Variants in KIRREL1 observed in about 807,000 individuals in gnomAD.
KIRREL1 encodes the protein kirre like nephrin family adhesion molecule 1, also known as kin of IRRE-like protein 1.
Under a neutral mutation model 83.3 loss-of-function variants are expected in KIRREL1, and 25 were observed. The observed-to-expected ratio is 0.30, with a 90% CI of 0.22 to 0.42. The LOEUF (loss-of-function observed/expected upper bound fraction) is 0.42, where lower values mean the gene tolerates loss of function less well. Among genes scored for constraint, KIRREL1 ranks in the 10% least tolerant of loss-of-function variants. KIRREL1 has a pLI of 1.00. For missense variants in KIRREL1, 812 were observed against 1,032.3 expected (o/e 0.79, Z 2.92); for synonymous variants, 388 against 410.4 (o/e 0.95, Z 0.66).
intron 1 of KIRREL1, among the ~76,000 whole-genome samples, chr1:158,075,150 G>A (rs1260966565): frequency 6.6e-6 from 1 of 152,222 alleles, no homozygotes; most frequent in African/African-American, 2.4e-5. Flanking sequence ...CACTGGGGCC[G>A]ACCAGTGCTG....
chr1:158,023,208 G>T (rs1660053890), intron 1 of KIRREL1, among the ~76,000 whole-genome samples: 1 of 152,182 alleles, frequency 6.6e-6, no homozygotes, highest in African/African-American at 2.4e-5. Context: ...TGGCAGGAGA[G>T]AGCTGGCCCC....
At chr1:158,003,585 C>G (rs539334599) in intron 1 of KIRREL1, among the ~76,000 whole-genome samples, 1 of 152,294 alleles carries the variant, frequency 6.6e-6, no homozygotes, top group African/African-American at 2.4e-5. Context: ...CACACACACA[C>G]TCGTGGCTGG....
chr1:158,029,360 T>C (rs1660256209), intron 1 of KIRREL1, among the ~76,000 whole-genome samples: 1 of 149,658 alleles, frequency 6.7e-6, no homozygotes, highest in African/African-American at 2.5e-5. Flanking sequence ...TGTGTGTGTG[T>C]GTGTGTGCAC....
chr1:158,078,910 C>T (rs866544305), intron 3 of KIRREL1, among the ~76,000 whole-genome samples: 20 of 152,190 alleles, frequency 1.3e-4, no homozygotes, highest in African/African-American at 4.6e-4. Context: ...TCTCCTGCAG[C>T]AGTGCCACAG....
At chr1:158,087,552 C>A (rs1475674540) in intron 5 of KIRREL1, among the ~76,000 whole-genome samples, 1 of 152,060 alleles carries the variant, frequency 6.6e-6, no homozygotes, top group East Asian at 1.9e-4. Context: ...TTGGTGCCTT[C>A]ATTGGTGGTC....
intron 1 of KIRREL1, among the ~76,000 whole-genome samples, chr1:158,070,055 A>T (rs1049410137): frequency 3.3e-5 from 5 of 150,408 alleles, no homozygotes; most frequent in Admixed American, 3.3e-4. Flanking sequence ...CAAGTCTTCT[A>T]TGTTGGTGGC....
intron 4 of KIRREL1, among the ~76,000 whole-genome samples, chr1:158,086,239 A>C (rs779062834): frequency 6.6e-5 from 10 of 152,156 alleles, no homozygotes; most frequent in Non-Finnish European, 1.5e-4. Flanking sequence ...TGTAAACTTA[A>C]AACTGCTCCA....
At chr1:158,055,502 A>G (rs1006843160) in intron 1 of KIRREL1, among the ~76,000 whole-genome samples, 4 of 152,080 alleles carry the variant, frequency 2.6e-5, no homozygotes, top group African/African-American at 9.7e-5. Flanking sequence ...AGTTTCCCCA[A>G]CCTCATGGGC....
Position 158,091,347 on chromosome 1 carries a change from C to T in KIRREL1, c.1273-11C>T. On this transcript the variant is annotated splice_polypyrimidine_tract_variant and intron_variant, in intron 10 of 14. Coordinates refer to ENST00000359209, the MANE Select transcript of KIRREL1 (RefSeq NM_018240.7). ...CCCTTTCTTACCTTCTTCCTTCCCTCTCCACCACAGGCATGGGCCTGGAAG... is the reference window on the plus strand; with the variant it reads ...CCCTTTCTTACCTTCTTCCTTCCCTTTCCACCACAGGCATGGGCCTGGAAG... The T allele has an allele frequency of 2.5e-6, 4 of 1,611,732 alleles. No homozygotes were observed. Among genetic ancestry groups the T allele is most frequent in the Non-Finnish European group, 2.5e-6 (3 of 1,178,534 alleles).
intron 1 of KIRREL1, among the ~76,000 whole-genome samples, chr1:158,041,219 A>T (rs538163300): frequency 5.9e-4 from 90 of 152,230 alleles, no homozygotes; most frequent in African/African-American, 2.1e-3. Context: ...GGCCTTGGGG[A>T]GGGTCAGCTA....
intron 1 of KIRREL1, among the ~76,000 whole-genome samples, chr1:158,059,922 A>C (rs1345551783): frequency 6.6e-6 from 1 of 152,136 alleles, no homozygotes; most frequent in South Asian, 2.1e-4. Context: ...GTTGAGGTGG[A>C]CATTGGGTTC....
intron 1 of KIRREL1, among the ~76,000 whole-genome samples, chr1:158,040,226 T>G (rs1018972759): frequency 6.6e-6 from 1 of 152,250 alleles, no homozygotes; most frequent in African/African-American, 2.4e-5. Flanking sequence ...AGACCATTCC[T>G]GGGCTTGACC....
intron 1 of KIRREL1, among the ~76,000 whole-genome samples, chr1:158,045,329 G>T (rs1386268477): frequency 6.6e-6 from 1 of 152,202 alleles, no homozygotes; most frequent in Non-Finnish European, 1.5e-5. Context: ...TCCCCAACAA[G>T]GACTGCCCTC....
chr1:158,092,549 G>T (rs183781061), intron 11 of KIRREL1, among the ~76,000 whole-genome samples: 3 of 151,930 alleles, frequency 2.0e-5, no homozygotes, highest in African/African-American at 7.3e-5. Flanking sequence ...GGTTTTCACC[G>T]TGTTAGCCAA....
intron 1 of KIRREL1, among the ~76,000 whole-genome samples, chr1:158,015,429 G>C (rs1416753796): frequency 6.6e-6 from 1 of 152,210 alleles, no homozygotes; most frequent in Non-Finnish European, 1.5e-5. Context: ...GGAGAGTTGG[G>C]AACCAAGATG....
At chr1:158,084,108 C>A (rs555806402) in intron 3 of KIRREL1, among the ~76,000 whole-genome samples, 1 of 152,042 alleles carries the variant, frequency 6.6e-6, no homozygotes, top group East Asian at 1.9e-4. Context: ...CCAGCCTGGG[C>A]GACAGAGTGA....
intron 1 of KIRREL1, among the ~76,000 whole-genome samples, chr1:158,071,858 G>T (rs73024643): frequency 6.6e-6 from 1 of 152,034 alleles, no homozygotes; most frequent in Admixed American, 6.5e-5. Flanking sequence ...CACTTGCTAG[G>T]CCACTTGTCC....
chr1:157,995,730 G>T (rs1316680365), intron 1 of KIRREL1, among the ~76,000 whole-genome samples: 1 of 152,134 alleles, frequency 6.6e-6, no homozygotes, highest in African/African-American at 2.4e-5. Flanking sequence ...AGTGGCTAGG[G>T]AATGCTGAGC....
At chr1:158,089,674 C>G in intron 9 of KIRREL1, 44 bp from the exon 10 acceptor site, 1 of 1,613,984 alleles carries the variant, frequency 6.2e-7, no homozygotes, top group Non-Finnish European at 8.5e-7. Flanking sequence ...CGGGCTGGTA[C>G]TGCAGTTTTT....
Sources: gnomAD v4.1 joint callset for allele counts (sites outside exome capture counted in the v4.1 genomes callset) on GRCh38, gnomAD v4.1.1 for gene constraint, MANE v1.5 for transcripts, NCBI Gene and HGNC (gene_info 2026-07-23, HGNC 2026-07-21) for gene names.